The following ZC3H12B variants were observed in gnomAD, a reference collection of about 807,000 sequenced individuals.
ZC3H12B encodes the protein zinc finger CCCH-type containing 12B, also known as probable ribonuclease ZC3H12B.
A neutral mutation model predicts 43.9 loss-of-function variants in ZC3H12B; 7 were observed. The ratio of observed to expected loss-of-function variants is 0.16; its 90% CI spans 0.09 to 0.30. The LOEUF (loss-of-function observed/expected upper bound fraction) is 0.30, where lower values mean the gene tolerates loss of function less well. Among genes scored for constraint, ZC3H12B ranks in the 10% least tolerant of loss-of-function variants. ZC3H12B has a pLI of 1.00. For synonymous variants in ZC3H12B, 222 were observed against 241.7 expected, an observed-to-expected ratio of 0.92 and a Z score of 0.76; for missense variants, 475 against 670.2, an observed-to-expected ratio of 0.71 and a Z score of 3.22.
At chrX:65,394,312 T>G (rs1441888190) in intron 2 of ZC3H12B, among the ~76,000 whole-genome samples, 2 of 112,667 alleles carry the variant, frequency 1.8e-5, no homozygotes, top group Non-Finnish European at 1.9e-5. Context: ...CTAGGCTTTC[T>G]TCTAAGGTTT....
chrX:65,426,384 A>G (rs759591180), intron 3 of ZC3H12B, among the ~76,000 whole-genome samples: 4 of 65,972 alleles, frequency 6.1e-5, no homozygotes, highest in African/African-American at 3.2e-4. Context: ...TATATTGTTA[A>G]TTATTTCCAA....
chrX:65,252,657 C>T, the ZC3H12B span, among the ~76,000 whole-genome samples: 19 of 111,613 alleles, frequency 1.7e-4, no homozygotes, highest in African/African-American at 5.5e-4. Context: ...TCCATTTAGC[C>T]TCTCAATATA....
chrX:65,352,284 G>A, the ZC3H12B span, among the ~76,000 whole-genome samples: 1 of 111,304 alleles, frequency 9.0e-6, no homozygotes, highest in African/African-American at 3.3e-5. Context: ...CATGGACACA[G>A]GGATGGGAAC....
chrX:65,221,232 A>G, the ZC3H12B span, among the ~76,000 whole-genome samples: 1 of 111,974 alleles, frequency 8.9e-6, no homozygotes. Context: ...ATAGCATTAA[A>G]TGCCTACATC....
the ZC3H12B span, among the ~76,000 whole-genome samples, chrX:65,264,161 G>A: frequency 1.6e-4 from 18 of 111,151 alleles, no homozygotes; most frequent in African/African-American, 3.3e-5. Flanking sequence ...TCAGAAACAG[G>A]GAGAGTGGGA....
chrX:65,164,477 A>G, the ZC3H12B span, among the ~76,000 whole-genome samples: 16 of 111,811 alleles, frequency 1.4e-4, no homozygotes, highest in African/African-American at 5.2e-4. Context: ...TGACTCCTGA[A>G]GCATGATTCT....
the ZC3H12B span, among the ~76,000 whole-genome samples, chrX:65,041,260 C>T: frequency 8.9e-6 from 1 of 111,841 alleles, no homozygotes; most frequent in African/African-American, 3.2e-5. Flanking sequence ...TTAATTCAGG[C>T]CCCACTAACC....
the ZC3H12B span, among the ~76,000 whole-genome samples, chrX:65,122,914 AG>A: frequency 8.1e-5 from 9 of 111,796 alleles, no homozygotes; most frequent in Non-Finnish European, 3.8e-5. Context: ...AAAGAGACTT[AG>A]ACTCCCACAC....
the ZC3H12B span, among the ~76,000 whole-genome samples, chrX:65,211,401 A>G: frequency 8.5e-4 from 92 of 108,715 alleles, no homozygotes; most frequent in African/African-American, 3.0e-3. Context: ...GGTAATAATA[A>G]TAATAGTTGC....
At chrX:65,308,146 T>A in the ZC3H12B span, among the ~76,000 whole-genome samples, 1 of 110,336 alleles carries the variant, frequency 9.1e-6, no homozygotes, top group Non-Finnish European at 1.9e-5. Context: ...ACAAAACAAG[T>A]CTCAGTAAAT....
At chrX:65,403,736 A>G (rs926832896) in intron 3 of ZC3H12B, among the ~76,000 whole-genome samples, 1 of 111,819 alleles carries the variant, frequency 8.9e-6, no homozygotes, top group South Asian at 3.7e-4. Context: ...ATTCCCTTCA[A>G]TCATGAAGGA....
chrX:65,318,674 C>T, the ZC3H12B span, among the ~76,000 whole-genome samples: 1 of 111,482 alleles, frequency 9.0e-6, no homozygotes, highest in Non-Finnish European at 1.9e-5. Flanking sequence ...CCCACCTCAG[C>T]CTCCCAACGT....
the ZC3H12B span, among the ~76,000 whole-genome samples, chrX:65,267,368 A>T: frequency 1.0e-4 from 11 of 110,394 alleles, no homozygotes; most frequent in South Asian, 4.2e-3. Context: ...ACCCACAAAA[A>T]GCAGCAACAA....
At chrX:65,234,312 T>C in the ZC3H12B span, among the ~76,000 whole-genome samples, 4 of 112,029 alleles carry the variant, frequency 3.6e-5, no homozygotes, top group Admixed American at 3.8e-4. Context: ...TCAACATTTC[T>C]TCATGATAAA....
At chrX:65,290,506 G>A in the ZC3H12B span, among the ~76,000 whole-genome samples, 5 of 111,022 alleles carry the variant, frequency 4.5e-5, no homozygotes, top group Non-Finnish European at 9.5e-5. Flanking sequence ...CTACTACTGG[G>A]TATCTACCCA....
At chrX:65,205,458 G>A in the ZC3H12B span, among the ~76,000 whole-genome samples, 77 of 111,696 alleles carry the variant, frequency 6.9e-4, no homozygotes, top group African/African-American at 2.4e-3. Flanking sequence ...TGAAGGAAAG[G>A]CATTTGACAA....
At chrX:65,164,506 T>C in the ZC3H12B span, among the ~76,000 whole-genome samples, 6 of 111,712 alleles carry the variant, frequency 5.4e-5, no homozygotes, top group South Asian at 2.3e-3. Flanking sequence ...TGCCCATTTT[T>C]TCATTTACAA....
the ZC3H12B span, among the ~76,000 whole-genome samples, chrX:65,220,663 A>G: frequency 8.9e-6 from 1 of 112,175 alleles, no homozygotes; most frequent in African/African-American, 3.2e-5. Context: ...AATCCTAAAT[A>G]TATATGCACC....
chrX:65,443,906 A>C, intron 3 of ZC3H12B, among the ~76,000 whole-genome samples: 1 of 112,405 alleles, frequency 8.9e-6, no homozygotes, highest in Non-Finnish European at 1.9e-5. Flanking sequence ...TTACAGGTAA[A>C]ATGTGTTTCT....
Sources: gnomAD v4.1 joint callset for allele counts (sites outside exome capture counted in the v4.1 genomes callset) on GRCh38, gnomAD v4.1.1 for gene constraint, MANE v1.5 for transcripts, NCBI Gene and HGNC (gene_info 2026-07-23, HGNC 2026-07-21) for gene names.